Variants in BCAS3 observed in about 807,000 individuals in gnomAD.
BCAS3 encodes BCAS4/BCAS3 fusion.
Under a neutral mutation model 116.1 loss-of-function variants are expected in BCAS3, and 53 were observed. That is an observed-to-expected ratio of 0.46 (90% confidence interval 0.37 to 0.57). The LOEUF is 0.57. Among genes scored for constraint, BCAS3 ranks in the 20% least tolerant of loss-of-function variants. BCAS3 has a pLI of 0.00. For synonymous variants in BCAS3, 391 were observed against 408.2 expected, an observed-to-expected ratio of 0.96 and a Z score of 0.51; for missense variants, 917 against 1,165.4, an observed-to-expected ratio of 0.79 and a Z score of 3.10.
At chr17:61,179,311 T>C (rs1286694686) in intron 22 of BCAS3, among the ~76,000 whole-genome samples, 2 of 151,534 alleles carry the variant, frequency 1.3e-5, no homozygotes, top group African/African-American at 4.9e-5. Flanking sequence ...ACAGTACCTT[T>C]CAATACTTGG....
intron 22 of BCAS3, among the ~76,000 whole-genome samples, chr17:61,091,276 A>G (rs1487432601): frequency 1.3e-5 from 2 of 152,208 alleles, no homozygotes; most frequent in East Asian, 3.9e-4. Flanking sequence ...GTAGGGTTCC[A>G]CATATTTACA....
intron 21 of BCAS3, among the ~76,000 whole-genome samples, chr17:61,081,091 G>A (rs536738231): frequency 1.3e-5 from 2 of 152,174 alleles, no homozygotes; most frequent in African/African-American, 2.4e-5. Flanking sequence ...CAGTGTACTC[G>A]TGTTTACAAC....
intron 6 of BCAS3, among the ~76,000 whole-genome samples, chr17:60,772,502 A>G (rs1435630184): frequency 1.3e-5 from 2 of 152,134 alleles, no homozygotes; most frequent in African/African-American, 2.4e-5. Context: ...CCCATTCTGT[A>G]GGTTGCCTGT....
rs975686726 is a variant in BCAS3, at chr17:61,203,680, C to A, written c.2425+119116C>A. ...GCTACATATTTTGCCTTCCGTTCAT[C>A]TTTGTAACCATTTTTTTGTTTCAGG... is the stretch of plus-strand genomic sequence containing the variant. On this transcript the variant is annotated intron_variant, in intron 22 of 23. Coordinates refer to ENST00000407086, the MANE Select transcript of BCAS3 (RefSeq NM_017679.5). This position sits in a 1 kb window ranked among gnomAD's most constrained non-coding sequence, Gnocchi z 5.7. Among the ~76,000 whole-genome samples, 1 of 152,178 alleles carries A rather than the reference C, an allele frequency of 6.6e-6. No individual in the cohort carries two copies. The highest frequency in any genetic ancestry group is 1.5e-5 in the Non-Finnish European group (1 of 68,018).
At chr17:61,110,557 C>A (rs920561118) in intron 22 of BCAS3, among the ~76,000 whole-genome samples, 1 of 146,794 alleles carries the variant, frequency 6.8e-6, no homozygotes, top group Non-Finnish European at 1.5e-5. Context: ...CGGCGCACCA[C>A]GAGATTATAT....
chr17:60,817,857 T>A (rs925890675), intron 7 of BCAS3, among the ~76,000 whole-genome samples: 2 of 103,738 alleles, frequency 1.9e-5, no homozygotes, highest in Non-Finnish European at 3.8e-5. Flanking sequence ...GCAAAATAAT[T>A]TTTTTTTTTT....
chr17:61,085,257 G>A (rs1213201155), intron 22 of BCAS3, among the ~76,000 whole-genome samples: 2 of 152,180 alleles, frequency 1.3e-5, no homozygotes, highest in African/African-American at 4.8e-5. Context: ...TTGCTTTATA[G>A]TGCAGCTGGG....
At position 61,391,937 on chromosome 17, in the gene BCAS3, C is replaced by T. The variant is rs368694879; in HGVS notation, c.2594-40C>T. 6.2e-7 allele frequency: 1 copy of T among 1,602,852 alleles called. No individual in the cohort carries two copies. Among genetic ancestry groups the T allele is most frequent in the Non-Finnish European group, 8.5e-7 (1 of 1,174,926 alleles). Reference sequence around the variant, plus strand: ...CAGATGGTGCCCCCACTCCCCAGACCCAACTCTAACCAGGCCTGGCCCTCT... The same window carrying T: ...CAGATGGTGCCCCCACTCCCCAGACTCAACTCTAACCAGGCCTGGCCCTCT... On this transcript the variant is annotated intron_variant, in intron 23 of 23. Transcript: ENST00000407086. This position sits in a 1 kb window ranked among gnomAD's most constrained non-coding sequence, Gnocchi z 7.7.
intron 19 of BCAS3, among the ~76,000 whole-genome samples, chr17:61,061,148 T>C (rs1410880004): frequency 6.6e-6 from 1 of 152,206 alleles, no homozygotes; most frequent in African/African-American, 2.4e-5. Flanking sequence ...TTCCTAACTA[T>C]AGGGTGAAAA....
At chr17:60,691,755 A>C (rs2034857291) in intron 4 of BCAS3, among the ~76,000 whole-genome samples, 5 of 151,868 alleles carry the variant, frequency 3.3e-5, no homozygotes, top group Admixed American at 3.3e-4. Context: ...CACGATGAGA[A>C]AGTCTGAGTG....
chr17:60,817,240 G>T (rs781702594), intron 7 of BCAS3, among the ~76,000 whole-genome samples: 39 of 152,136 alleles, frequency 2.6e-4, no homozygotes, highest in Non-Finnish European at 5.1e-4. Context: ...TTAAGCTCTT[G>T]GAAAGGGATA....
Position 61,106,962 on chromosome 17 carries a change from T to C in BCAS3, c.2425+22398T>C, listed in dbSNP as rs1413425781. On this transcript the variant is annotated intron_variant, in intron 22 of 23. Transcript: ENST00000407086. The surrounding 1 kb of genome is among the most constrained non-coding windows in gnomAD (Gnocchi z 4.2). Reference sequence around the variant, plus strand: ...GTATATTTTTAAGTCACTTTATGTTTACATATTGCCAGGTTGCCCTAAGTA... The same window carrying C: ...GTATATTTTTAAGTCACTTTATGTTCACATATTGCCAGGTTGCCCTAAGTA... Among the ~76,000 whole-genome samples, 1 of 152,220 alleles carries C rather than the reference T, an allele frequency of 6.6e-6. No homozygotes were observed. Among genetic ancestry groups the C allele is most frequent in the Non-Finnish European group, 1.5e-5 (1 of 68,036 alleles).
intron 5 of BCAS3, among the ~76,000 whole-genome samples, chr17:60,744,436 A>G (rs1204162225): frequency 2.6e-5 from 4 of 152,216 alleles, no homozygotes; most frequent in Non-Finnish European, 5.9e-5. Context: ...ATCTGTAAAG[A>G]CTAACCATCC....
intron 22 of BCAS3, among the ~76,000 whole-genome samples, chr17:61,358,322 TAACA>T (rs2058268632): frequency 6.6e-6 from 1 of 152,140 alleles, no homozygotes. Flanking sequence ...TATGACTACC[TAACA>T]TTCTACTGCA....
chr17:60,934,985 C>G (rs2059841952), intron 13 of BCAS3, among the ~76,000 whole-genome samples: 1 of 152,126 alleles, frequency 6.6e-6, no homozygotes, highest in Non-Finnish European at 1.5e-5. Context: ...TGGTGAAACC[C>G]CATCTCTACT....
chr17:60,895,227 C>T (rs996204101), intron 10 of BCAS3, among the ~76,000 whole-genome samples: 3 of 152,156 alleles, frequency 2.0e-5, no homozygotes, highest in African/African-American at 7.2e-5. Flanking sequence ...CCTACTCACT[C>T]TCACTACTCA....
At chr17:61,289,405 A>G (rs1377772476) in intron 22 of BCAS3, among the ~76,000 whole-genome samples, 3 of 152,196 alleles carry the variant, frequency 2.0e-5, no homozygotes, top group African/African-American at 7.2e-5. Flanking sequence ...CTCCACGTAC[A>G]TTACTGCCAT....
chr17:60,727,100 C>T (rs1223044874), intron 5 of BCAS3: 3 of 405,218 alleles, frequency 7.4e-6, no homozygotes, highest in Non-Finnish European at 1.4e-5. Context: ...TTTATTTTCT[C>T]TCAGGTAATT....
chr17:61,218,281 C>G (rs565386514), intron 22 of BCAS3, among the ~76,000 whole-genome samples: 63 of 152,230 alleles, frequency 4.1e-4, no homozygotes, highest in Admixed American at 1.1e-3. Flanking sequence ...AGGTAATGCC[C>G]CTTTTCCTAG....
Sources: gnomAD v4.1 joint callset for allele counts (sites outside exome capture counted in the v4.1 genomes callset) on GRCh38, gnomAD v4.1.1 for gene constraint, Gnocchi (gnomAD v3.1) non-coding constraint, MANE v1.5 for transcripts, NCBI Gene and HGNC (gene_info 2026-07-23, HGNC 2026-07-21) for gene names.